Variants in LRRC4C observed in about 807,000 individuals in gnomAD.
LRRC4C encodes leucine rich repeat containing 4C.
A neutral mutation model predicts 33.6 loss-of-function variants in LRRC4C; 5 were observed. The observed-to-expected ratio is 0.15, with a 90% CI of 0.08 to 0.31. The LOEUF is 0.31. Ranked by LOEUF, LRRC4C falls within the 10% of genes least tolerant of loss-of-function variation. The pLI, the probability that LRRC4C is intolerant of heterozygous loss-of-function variation, is 1.00. For missense variants in LRRC4C, 560 were observed against 796.7 expected, an observed-to-expected ratio of 0.70 and a Z score of 3.58; for synonymous variants, 329 against 302.0, an observed-to-expected ratio of 1.09 and a Z score of -0.93.
chr11:41,399,890 G>A (rs1430169465), intron 1 of LRRC4C, among the ~76,000 whole-genome samples: 1 of 151,908 alleles, frequency 6.6e-6, no homozygotes, highest in African/African-American at 2.4e-5. Context: ...AGGGAAAAGC[G>A]AGAGTTTATA....
At chr11:41,104,663 A>G (rs1039643207) in intron 1 of LRRC4C, among the ~76,000 whole-genome samples, 31 of 151,938 alleles carry the variant, frequency 2.0e-4, no homozygotes, top group African/African-American at 7.0e-4. Flanking sequence ...TTGTATATAA[A>G]TGTTCGTGGC....
chr11:40,546,282 A>G (rs1343072508), intron 3 of LRRC4C, among the ~76,000 whole-genome samples: 1 of 152,038 alleles, frequency 6.6e-6, no homozygotes, highest in Non-Finnish European at 1.5e-5. Flanking sequence ...TTCAAGGGTC[A>G]TGATACTGAT....
intron 1 of LRRC4C, among the ~76,000 whole-genome samples, chr11:41,010,127 G>A (rs1017096364): frequency 2.0e-5 from 3 of 152,092 alleles, no homozygotes; most frequent in Non-Finnish European, 4.4e-5. Flanking sequence ...GAGAAAGCAT[G>A]GCCCTAATGA....
intron 3 of LRRC4C, among the ~76,000 whole-genome samples, chr11:40,425,195 C>G (rs1167277386): frequency 1.3e-5 from 2 of 151,886 alleles, no homozygotes; most frequent in Non-Finnish European, 2.9e-5. Flanking sequence ...GGATTTAAGA[C>G]CCCAAGAGAT....
chr11:41,215,372 C>A (rs1293356835), intron 1 of LRRC4C, among the ~76,000 whole-genome samples: 1 of 150,990 alleles, frequency 6.6e-6, no homozygotes, highest in Non-Finnish European at 1.5e-5. Flanking sequence ...CCTGTGATCC[C>A]AGCTACTCGG....
At chr11:41,003,044 C>G (rs114913636) in intron 1 of LRRC4C, among the ~76,000 whole-genome samples, 1 of 151,648 alleles carries the variant, frequency 6.6e-6, no homozygotes, top group East Asian at 1.9e-4. Context: ...ATTACTTCTC[C>G]GATGAAAACA....
chr11:40,191,912 A>T (rs994859147), intron 5 of LRRC4C, among the ~76,000 whole-genome samples: 3 of 152,244 alleles, frequency 2.0e-5, no homozygotes, highest in South Asian at 2.1e-4. Flanking sequence ...GTGATCCATG[A>T]TCACCCCACT....
chr11:40,715,258 T>A (rs1248775149), intron 2 of LRRC4C, among the ~76,000 whole-genome samples: 1 of 152,204 alleles, frequency 6.6e-6, no homozygotes, highest in Non-Finnish European at 1.5e-5. Context: ...AAATAGGTCC[T>A]TCACAAATAA....
rs1173093149 is a variant in LRRC4C, at chr11:41,458,866, A to T, written c.-496+565T>A. Among the ~76,000 whole-genome samples, 4 of 152,208 alleles carry T rather than the reference A, an allele frequency of 2.6e-5. No homozygotes were observed. The East Asian group carries it at 7.8e-4, about 30-fold the overall frequency. ...ACTAAACAATTTCCACTTTGTTCTC[A>T]TTTGCTCCAATTAAGAGCTGGTGAA... On this transcript the variant is annotated intron_variant, in intron 1 of 6. Transcript: ENST00000528697.
At chr11:41,281,042 T>TTCTC (rs71063910) in intron 1 of LRRC4C, among the ~76,000 whole-genome samples, 15,700 of 76,060 alleles carry the variant, frequency 0.21, 2,047 homozygotes, top group Non-Finnish European at 0.25. Context: ...AATACATATT[T>TTCTC]TCTCTCTCTC....
chr11:41,289,944 T>A (rs984607361), intron 1 of LRRC4C, among the ~76,000 whole-genome samples: 1 of 152,172 alleles, frequency 6.6e-6, no homozygotes, highest in African/African-American at 2.4e-5. Flanking sequence ...CATATTAGAC[T>A]TTACAAGTAG....
intron 1 of LRRC4C, among the ~76,000 whole-genome samples, chr11:41,226,239 TG>T (rs1185556879): frequency 2.6e-5 from 4 of 152,234 alleles, no homozygotes; most frequent in South Asian, 2.1e-4. Context: ...TGTAGTGATT[TG>T]AAGTACCAAA....
chr11:41,337,036 A>T (rs1005224812), intron 1 of LRRC4C, among the ~76,000 whole-genome samples: 1 of 152,134 alleles, frequency 6.6e-6, no homozygotes, highest in Non-Finnish European at 1.5e-5. Context: ...TAAAAAATTA[A>T]CATTAAATTC....
chr11:40,822,738 AT>A (rs958404089), intron 2 of LRRC4C, among the ~76,000 whole-genome samples: 1 of 151,604 alleles, frequency 6.6e-6, no homozygotes, highest in African/African-American at 2.4e-5. Flanking sequence ...CCCCAAAAAA[AT>A]TTGCCCAAAT....
intron 3 of LRRC4C, among the ~76,000 whole-genome samples, chr11:40,496,676 CG>C (rs1262700421): frequency 6.6e-6 from 1 of 151,982 alleles, no homozygotes; most frequent in Non-Finnish European, 1.5e-5. Flanking sequence ...TCACATTCAG[CG>C]GTGACAGAAG....
chr11:40,785,594 T>C (rs1052175436), intron 2 of LRRC4C, among the ~76,000 whole-genome samples: 17 of 152,228 alleles, frequency 1.1e-4, no homozygotes, highest in African/African-American at 4.1e-4. Context: ...AATCAGACAC[T>C]ATGAACCAAT....
intron 1 of LRRC4C, among the ~76,000 whole-genome samples, chr11:41,274,074 A>G (rs922150779): frequency 5.3e-5 from 8 of 152,100 alleles, no homozygotes; most frequent in African/African-American, 1.9e-4. Context: ...ATCTCCTGAC[A>G]TGGAGGCATG....
intron 1 of LRRC4C, among the ~76,000 whole-genome samples, chr11:41,011,171 C>T (rs1484365048): frequency 6.6e-6 from 1 of 152,040 alleles, no homozygotes; most frequent in Non-Finnish European, 1.5e-5. Context: ...TGATATACAA[C>T]AAATTTTTAT....
rs926738279 is a variant in LRRC4C, at chr11:41,204,570, A to G, written c.-496+254861T>C. Among the ~76,000 whole-genome samples the G allele has an allele frequency of 3.3e-5, 5 of 152,210 alleles. No individual in the cohort carries two copies. The East Asian group carries it at 5.8e-4, about 18-fold the overall frequency. On this transcript the variant is annotated intron_variant, in intron 1 of 6. Transcript: ENST00000528697. ...CTCATGGCTTTAAAAGACTAACTCT[A>G]TATTTCTTCTGAAGAAGTCCACTCC...
Sources: gnomAD v4.1 joint callset for allele counts (sites outside exome capture counted in the v4.1 genomes callset) on GRCh38, gnomAD v4.1.1 for gene constraint, MANE v1.5 for transcripts, NCBI Gene and HGNC (gene_info 2026-07-23, HGNC 2026-07-21) for gene names.